Variants in AKAP19 observed in about 807,000 individuals in gnomAD.
AKAP19 encodes the protein A-kinase anchoring protein 19.
the AKAP19 span, among the ~76,000 whole-genome samples, chr2:190,000,006 G>A: frequency 2.6e-5 from 4 of 152,136 alleles, no homozygotes; most frequent in Non-Finnish European, 4.4e-5. Flanking sequence ...ATTTGCTCAC[G>A]GAATCTAAAT....
chr2:190,093,255 T>A, the AKAP19 span, among the ~76,000 whole-genome samples: 1 of 106,960 alleles, frequency 9.3e-6, no homozygotes, highest in South Asian at 4.3e-4. Context: ...AAACCCCGTC[T>A]CTACTAAAAA....
the AKAP19 span, among the ~76,000 whole-genome samples, chr2:189,914,414 A>G: frequency 2.0e-5 from 3 of 151,992 alleles, no homozygotes; most frequent in Admixed American, 6.5e-5. Context: ...TAAAAATTTT[A>G]TTTGTTTATT....
the AKAP19 span, among the ~76,000 whole-genome samples, chr2:189,942,932 T>C: frequency 3.9e-5 from 6 of 152,242 alleles, no homozygotes; most frequent in African/African-American, 1.4e-4. Context: ...AAGGAATGAC[T>C]GAAAGTTGGA....
the AKAP19 span, chr2:190,056,238 G>A: frequency 6.6e-6 from 1 of 152,358 alleles, no homozygotes; most frequent in African/African-American, 2.4e-5. Flanking sequence ...AATGTCCTTA[G>A]TGTAAAAATA....
At chr2:189,962,523 TA>T in the AKAP19 span, among the ~76,000 whole-genome samples, 6 of 152,318 alleles carry the variant, frequency 3.9e-5, no homozygotes, top group African/African-American at 1.4e-4. Context: ...GAACTATTAC[TA>T]ACAGATAACG....
chr2:190,005,015 G>A, the AKAP19 span, among the ~76,000 whole-genome samples: 33 of 152,298 alleles, frequency 2.2e-4, 1 homozygote, highest in South Asian at 6.8e-3. Context: ...TAAAGATGGT[G>A]TGTCCAGAAG....
the AKAP19 span, among the ~76,000 whole-genome samples, chr2:189,898,523 C>T: frequency 2.6e-5 from 4 of 152,142 alleles, no homozygotes; most frequent in Non-Finnish European, 2.9e-5. Context: ...AGTGTGCCCA[C>T]ATGCCTCTCT....
chr2:189,952,054 T>G, the AKAP19 span, among the ~76,000 whole-genome samples: 1 of 152,214 alleles, frequency 6.6e-6, no homozygotes, highest in East Asian at 1.9e-4. Flanking sequence ...TCCTGGTCAC[T>G]GCCTCACAAT....
chr2:189,993,363 C>T, the AKAP19 span, among the ~76,000 whole-genome samples: 2 of 152,128 alleles, frequency 1.3e-5, no homozygotes. Context: ...GGTATGAAAC[C>T]CACTTGATCA....
the AKAP19 span, among the ~76,000 whole-genome samples, chr2:190,000,066 G>A: frequency 6.6e-6 from 1 of 152,136 alleles, no homozygotes; most frequent in African/African-American, 2.4e-5. Flanking sequence ...AGACACCTTT[G>A]GAAATATTAG....
the AKAP19 span, among the ~76,000 whole-genome samples, chr2:190,191,804 A>AAAC: frequency 6.6e-6 from 1 of 152,200 alleles, no homozygotes; most frequent in African/African-American, 2.4e-5. Flanking sequence ...CTCGTTTTCT[A>AAAC]AACTGGGTTG....
chr2:189,884,377 C>T, the AKAP19 span, among the ~76,000 whole-genome samples: 3 of 152,232 alleles, frequency 2.0e-5, no homozygotes, highest in African/African-American at 7.2e-5. Flanking sequence ...TACATTTTTA[C>T]ATGTAAATTA....
chr2:190,066,559 C>G, the AKAP19 span, among the ~76,000 whole-genome samples: 383 of 152,066 alleles, frequency 2.5e-3, 3 homozygotes, highest in East Asian at 1.2e-3. Context: ...ATTCTTAGAG[C>G]CAGAAAAAAT....
At chr2:190,059,051 A>G in the AKAP19 span, among the ~76,000 whole-genome samples, 1 of 151,684 alleles carries the variant, frequency 6.6e-6, no homozygotes, top group African/African-American at 2.4e-5. Context: ...AAATGAAAAA[A>G]TATTGTATAG....
At chr2:189,917,218 A>G in the AKAP19 span, 1 of 997,930 alleles carries the variant, frequency 1.0e-6, no homozygotes, top group East Asian at 2.6e-5. Context: ...TGATCAAAAT[A>G]CTTAACTGTC....
chr2:190,120,966 T>C, the AKAP19 span, among the ~76,000 whole-genome samples: 37 of 152,302 alleles, frequency 2.4e-4, no homozygotes, highest in South Asian at 4.6e-3. Flanking sequence ...GTTCTCTATT[T>C]TATGTGACTA....
the AKAP19 span, chr2:190,180,784 G>A: frequency 1.0e-6 from 1 of 985,250 alleles, no homozygotes; most frequent in Non-Finnish European, 1.2e-6. The surrounding 1 kb of genome is among the most constrained non-coding windows in gnomAD (Gnocchi z 6.8). Context: ...AACCCGCGAG[G>A]AGCGCGCGGC....
chr2:190,119,571 GGA>G, the AKAP19 span, among the ~76,000 whole-genome samples: 1 of 152,242 alleles, frequency 6.6e-6, no homozygotes, highest in African/African-American at 2.4e-5. Flanking sequence ...TATGTTGGGT[GGA>G]CCCAGTTTCT....
At chr2:190,144,985 A>C in the AKAP19 span, among the ~76,000 whole-genome samples, 1 of 152,172 alleles carries the variant, frequency 6.6e-6, no homozygotes, top group East Asian at 1.9e-4. Context: ...TCAAAAAAAA[A>C]ATTATTCTGG....
Sources: gnomAD v4.1 joint callset for allele counts (sites outside exome capture counted in the v4.1 genomes callset) on GRCh38, gnomAD v4.1.1 for gene constraint, Gnocchi (gnomAD v3.1) non-coding constraint, MANE v1.5 for transcripts, NCBI Gene and HGNC (gene_info 2026-07-23, HGNC 2026-07-21) for gene names.